Variants in CAMTA1 observed in about 807,000 individuals in gnomAD.
CAMTA1 encodes the protein calmodulin-binding transcription activator 1.
A neutral mutation model predicts 170.9 loss-of-function variants in CAMTA1; 27 were observed. The ratio of observed to expected loss-of-function variants is 0.16; its 90% CI spans 0.12 to 0.22. The LOEUF is 0.22. Among genes scored for constraint, CAMTA1 ranks in the 10% least tolerant of loss-of-function variants. The pLI, the probability that CAMTA1 is intolerant of heterozygous loss-of-function variation, is 1.00. For missense variants in CAMTA1, 1,619 were observed against 2,217.2 expected (o/e 0.73, Z 5.42); for synonymous variants, 833 against 891.5 (o/e 0.93, Z 1.17).
chr1:7,445,193 A>T (rs1043613617), intron 5 of CAMTA1, among the ~76,000 whole-genome samples: 2 of 151,580 alleles, frequency 1.3e-5, no homozygotes, highest in Non-Finnish European at 2.9e-5. Context: ...GCCTGGACAG[A>T]TGGGGAGAGA....
intron 3 of CAMTA1, among the ~76,000 whole-genome samples, chr1:7,015,402 G>A (rs1283739695): frequency 6.6e-6 from 1 of 152,144 alleles, no homozygotes; most frequent in Non-Finnish European, 1.5e-5. Flanking sequence ...CCCTGTCCAG[G>A]TCCTGTGTGT....
At chr1:7,637,182 C>T (rs1016207578) in intron 6 of CAMTA1, among the ~76,000 whole-genome samples, 3 of 152,232 alleles carry the variant, frequency 2.0e-5, no homozygotes, top group South Asian at 2.1e-4. Flanking sequence ...TCTGCCTGCC[C>T]GCCACCTTGG....
intron 6 of CAMTA1, among the ~76,000 whole-genome samples, chr1:7,533,156 G>T (rs148560659): frequency 6.6e-6 from 1 of 152,268 alleles, no homozygotes; most frequent in East Asian, 1.9e-4. Context: ...TCCCTCCAGC[G>T]TCCCCAGTCA....
intron 4 of CAMTA1, among the ~76,000 whole-genome samples, chr1:7,211,750 G>T (rs1658807370): frequency 6.6e-6 from 1 of 152,172 alleles, no homozygotes; most frequent in African/African-American, 2.4e-5. Flanking sequence ...CCTTGCGAGT[G>T]GTATGCCATT....
At chr1:6,859,321 G>T (rs1663750283) in intron 3 of CAMTA1, among the ~76,000 whole-genome samples, 1 of 152,032 alleles carries the variant, frequency 6.6e-6, no homozygotes, top group African/African-American at 2.4e-5. Flanking sequence ...CCTGTGTGTG[G>T]GTATGTGTGT....
chr1:7,287,779 G>A (rs1220630058), intron 5 of CAMTA1, among the ~76,000 whole-genome samples: 5 of 152,168 alleles, frequency 3.3e-5, no homozygotes, highest in African/African-American at 7.2e-5. Context: ...GTGACTCAGG[G>A]ATCCTGGCTC....
intron 9 of CAMTA1, among the ~76,000 whole-genome samples, chr1:7,667,144 C>T (rs2096008383): frequency 6.6e-6 from 1 of 152,148 alleles, no homozygotes; most frequent in Non-Finnish European, 1.5e-5. Context: ...CCACCTCAGC[C>T]TCCCAAAGTG....
chr1:7,572,940 C>A lies in CAMTA1; in HGVS notation c.511-67460C>A, dbSNP rs552604633. Among the ~76,000 whole-genome samples the A allele has an allele frequency of 6.6e-5, 10 of 152,300 alleles. No homozygotes were observed. In the South Asian group the frequency reaches 2.1e-3, roughly 32 times the overall value. On this transcript the variant is annotated intron_variant, in intron 6 of 22. Transcript: ENST00000303635. The stretch of plus-strand genomic sequence containing the variant: ...CCACCCCCTTGCCCATCCCTCTCAG[C>A]CCCAGCCCAGCCCCAGCTCTTCCAG...
intron 4 of CAMTA1, among the ~76,000 whole-genome samples, chr1:7,147,022 C>T (rs1296296210): frequency 6.6e-6 from 1 of 151,992 alleles, no homozygotes; most frequent in Non-Finnish European, 1.5e-5. Flanking sequence ...ATGCACCATG[C>T]ACACACACTC....
chr1:7,012,538 C>G (rs1401864690), intron 3 of CAMTA1, among the ~76,000 whole-genome samples: 6 of 152,196 alleles, frequency 3.9e-5, no homozygotes, highest in African/African-American at 1.4e-4. Context: ...GCCCCCTCCT[C>G]TCTTTCTCAT....
chr1:7,128,019 G>A (rs1645032659), intron 4 of CAMTA1, among the ~76,000 whole-genome samples: 1 of 152,224 alleles, frequency 6.6e-6, no homozygotes. Flanking sequence ...TTCTTGGGGT[G>A]TGGAATTTTG....
At chr1:7,305,647 G>C (rs1351488736) in intron 5 of CAMTA1, among the ~76,000 whole-genome samples, 4 of 151,882 alleles carry the variant, frequency 2.6e-5, no homozygotes, top group African/African-American at 9.7e-5. Flanking sequence ...CTGCTTCCTG[G>C]ATATATAAGT....
chr1:6,983,829 AT>A (rs1694845836), intron 3 of CAMTA1, among the ~76,000 whole-genome samples: 2 of 134,854 alleles, frequency 1.5e-5, no homozygotes, highest in Non-Finnish European at 3.2e-5. Context: ...TAATGCATAC[AT>A]AGGTGGATGA....
At position 7,592,376 on chromosome 1, in the gene CAMTA1, G is replaced by A. The variant is rs2095361984; in HGVS notation, c.511-48024G>A. ...GTGCGCCTCCCCTGCGGCACATTCG[G>A]TAGGCTGGGGGTCTGTTGGATCCTG... On this transcript the variant is annotated intron_variant, in intron 6 of 22. Coordinates refer to ENST00000303635, the MANE Select transcript of CAMTA1 (RefSeq NM_015215.4). This position sits in a 1 kb window ranked among gnomAD's most constrained non-coding sequence, Gnocchi z 4.6. Among the ~76,000 whole-genome samples, 1 of 152,202 alleles carries A rather than the reference G, an allele frequency of 6.6e-6. No homozygotes were observed. Among genetic ancestry groups the A allele is most frequent in the African/African-American group, 2.4e-5 (1 of 41,458 alleles).
chr1:6,972,461 T>C (rs1300180967), intron 3 of CAMTA1, among the ~76,000 whole-genome samples: 5 of 152,366 alleles, frequency 3.3e-5, no homozygotes, highest in Non-Finnish European at 5.9e-5. Flanking sequence ...TAAGCACTTC[T>C]GTGTGCTGAT....
intron 4 of CAMTA1, among the ~76,000 whole-genome samples, chr1:7,175,787 C>T (rs1650677045): frequency 6.6e-6 from 1 of 152,288 alleles, no homozygotes; most frequent in South Asian, 2.1e-4. Flanking sequence ...AGAGCAGGTG[C>T]CCTTGTCCTT....
chr1:7,705,284 T>C (rs949573677), intron 11 of CAMTA1, among the ~76,000 whole-genome samples: 3 of 148,904 alleles, frequency 2.0e-5, no homozygotes, highest in Admixed American at 2.0e-4. Flanking sequence ...GAGACACGCG[T>C]GTCCATGCCG....
intron 5 of CAMTA1, among the ~76,000 whole-genome samples, chr1:7,321,327 C>T (rs1412640482): frequency 6.6e-6 from 1 of 152,188 alleles, no homozygotes; most frequent in Admixed American, 6.5e-5. Context: ...AAGCACTAGC[C>T]TTTACCGTTT....
At chr1:7,520,895 C>T (rs1314544409) in intron 6 of CAMTA1, among the ~76,000 whole-genome samples, 3 of 144,418 alleles carry the variant, frequency 2.1e-5, no homozygotes, top group Non-Finnish European at 4.5e-5. Context: ...TGCAAAATCC[C>T]CTCCAGACAG....
Sources: allele counts gnomAD v4.1 joint callset (sites outside exome capture counted in the v4.1 genomes callset), GRCh38; gene constraint gnomAD v4.1.1; non-coding constraint Gnocchi (gnomAD v3.1); transcripts MANE v1.5; gene names NCBI Gene and HGNC (gene_info 2026-07-23, HGNC 2026-07-21).